The following PIAS3 variants were observed in gnomAD, a reference collection of about 807,000 sequenced individuals.
PIAS3 encodes E3 SUMO-protein ligase PIAS3.
Under a neutral mutation model 67.6 loss-of-function variants are expected in PIAS3, and 34 were observed. That is an observed-to-expected ratio of 0.50 (90% CI 0.38 to 0.67). The LOEUF (loss-of-function observed/expected upper bound fraction) is 0.67, where lower values mean the gene tolerates loss of function less well. PIAS3 is among the 30% of genes least tolerant of loss of function. The pLI, the probability that PIAS3 is intolerant of heterozygous loss-of-function variation, is 0.00. For missense variants in PIAS3, 693 were observed against 791.6 expected, an observed-to-expected ratio of 0.88 and a Z score of 1.49; for synonymous variants, 341 against 313.8, an observed-to-expected ratio of 1.09 and a Z score of -0.92.
At chr1:145,850,186 A>T in intron 13 of PIAS3, 46 bp downstream of exon 13, 1 of 1,613,322 alleles carries the variant, frequency 6.2e-7, no homozygotes, top group Non-Finnish European at 8.5e-7. Context: ...GTGTCTAGAA[A>T]GGAAGCTTCA....
At chr1:145,857,218 C>A in intron 1 of PIAS3, 1 of 582,778 alleles carries the variant, frequency 1.7e-6, no homozygotes. Context: ...AGCATCATCA[C>A]CACCACCCCC....
intron 1 of PIAS3, among the ~76,000 whole-genome samples, 153 bp from the exon 2 acceptor site, chr1:145,857,159 C>T (rs889942731): frequency 1.3e-5 from 2 of 152,274 alleles, no homozygotes; most frequent in Admixed American, 6.5e-5. Flanking sequence ...GCCAGGTAGT[C>T]GACCTATCCA....
Position 145,856,131 on chromosome 1 carries a change from G to C in PIAS3, c.528-13C>G, listed in dbSNP as rs1036567939. 1.9e-6 allele frequency: 3 copies of C among 1,611,550 alleles called. No homozygotes were observed. The highest frequency in any genetic ancestry group is 3.3e-5 in the Admixed American group (2 of 59,998). On this transcript the variant is annotated splice_polypyrimidine_tract_variant and intron_variant, in intron 3 of 13. Coordinates refer to ENST00000393045, the MANE Select transcript of PIAS3 (RefSeq NM_006099.3). ...TGGCAGAACCTCTCTGTAACAGGGA[G>C]GGAGATGAAGAGATGTCAGCATGTA...
chr1:145,858,978 C>T lies in PIAS3; in HGVS notation c.13G>A (p.Gly5Ser). 1 of 1,543,664 alleles carries T rather than the reference C, an allele frequency of 6.5e-7. No homozygotes were observed. Among genetic ancestry groups the T allele is most frequent in the South Asian group, 1.2e-5 (1 of 83,132 alleles). Residue 5 changes from glycine (G) to serine (S), a missense_variant, in exon 1 of 14, where the codon GGC becomes AGC. This residue lies in a region of PIAS3 where 308 missense variants were observed against 348.8 expected (regional missense o/e 0.88). Coordinates refer to ENST00000393045, the MANE Select transcript of PIAS3 (RefSeq NM_006099.3). MAEL[G>S]ELKHMVMSFR... ...GAGGGGGCCGGTACCTTTAATTCGCCCAGCTCCGCCATCTTGAGACATCGC... is the reference window on the plus strand; with the variant it reads ...GAGGGGGCCGGTACCTTTAATTCGCTCAGCTCCGCCATCTTGAGACATCGC...
In PIAS3 at chr1:145,848,534, C is replaced by A; in HGVS notation, c.*912G>T. The stretch of plus-strand genomic sequence containing the variant: ...CATGACACTCACAGAACATTCACAA[C>A]CTTTATTATGGGTGAGAGCTTCACT... On this transcript the variant is annotated 3_prime_UTR_variant, in exon 14 of 14. Coordinates refer to ENST00000393045, the MANE Select transcript of PIAS3 (RefSeq NM_006099.3). The A allele has an allele frequency of 1.7e-6, 2 of 1,190,448 alleles. No homozygotes were observed. The highest frequency in any genetic ancestry group is 2.5e-6 in the Non-Finnish European group (2 of 809,922). The allele number at this position is 1,190,448 out of a possible 1,614,324, so 73.7% of individuals were successfully genotyped here.
At position 145,856,632 on chromosome 1, in the gene PIAS3, G is replaced by A. The variant is rs140322948; in HGVS notation, c.399C>T (p.Pro133=). ...VHPDVTMKPL[P]FYEVYGELIR... ...TGAGCTCCCCATAGACTTCATAGAAGGGCAATGGTTTCATGGTGACATCAG... is the reference window on the plus strand; with the variant it reads ...TGAGCTCCCCATAGACTTCATAGAAAGGCAATGGTTTCATGGTGACATCAG... The change falls in exon 2 of 14, where the codon CCC becomes CCT. Residue 133 remains proline (P), a synonymous_variant. Transcript: ENST00000393045. The A allele has an allele frequency of 1.0e-4, 157 of 1,576,428 alleles. No homozygotes were observed. The African/African-American group carries it at 1.9e-3, about 19-fold the overall frequency.
At position 145,854,545 on chromosome 1, in the gene PIAS3, A is replaced by G; in HGVS notation, c.823T>C (p.Tyr275His). ...CCTGCAGTCAACTGCCTCACCAGGT[A>G]CACAGACAAGGAGTAATTCTACTTG... The part of the protein sequence containing the change: ...EFGRNYSLSV[Y>H]LVRQLTAGTL... Residue 275 changes from tyrosine (Y) to histidine (H), a missense_variant, in exon 7 of 14, where the codon TAC becomes CAC. Around this residue, in one of 3 missense-constraint regions of PIAS3, gnomAD observed 308 missense variants for 348.8 expected, o/e 0.88. Transcript: ENST00000393045. 1 of 1,613,852 alleles carries G rather than the reference A, an allele frequency of 6.2e-7. No individual in the cohort carries two copies. Among genetic ancestry groups the G allele is most frequent in the Non-Finnish European group, 8.5e-7 (1 of 1,179,748 alleles).
At position 145,856,720 on chromosome 1, in the gene PIAS3, C is replaced by T; in HGVS notation, c.311G>A (p.Gly104Asp). The change falls in exon 2 of 14, where the codon GGC becomes GAC. Residue 104 changes from glycine (G) to aspartate (D), a missense_variant. Gly to Asp is a moderately conservative substitution (Grantham distance 94). This residue lies in a region of PIAS3 where 308 missense variants were observed against 348.8 expected (regional missense o/e 0.88). Coordinates refer to ENST00000393045, the MANE Select transcript of PIAS3 (RefSeq NM_006099.3). Reference protein sequence around the residue: ...APIPPTLLAPGTLLGPKREVD... With the variant: ...APIPPTLLAPDTLLGPKREVD... ...CTCACGCTTGGGGCCCAGCAGGGTG[C>T]CAGGGGCCAACAGCGTTGGGGGAAT... 1.2e-6 allele frequency: 2 copies of T among 1,613,440 alleles called. No individual in the cohort carries two copies. The highest frequency in any genetic ancestry group is 8.5e-7 in the Non-Finnish European group (1 of 1,179,532).
intron 5 of PIAS3, 54 bp downstream of exon 5, chr1:145,855,682 T>C: frequency 1.1e-6 from 1 of 946,988 alleles, no homozygotes; most frequent in Non-Finnish European, 1.7e-6. Context: ...GTAGTTAATA[T>C]TTATGAACTG....
In PIAS3 at chr1:145,848,575, A is replaced by G. The variant is rs2101674786; in HGVS notation, c.*871T>C. 1 of 923,954 alleles carries G rather than the reference A, an allele frequency of 1.1e-6. No individual in the cohort carries two copies. The highest frequency in any genetic ancestry group is 1.6e-5 in the South Asian group (1 of 63,968). The allele number at this position is 923,954 out of a possible 1,614,324, so 57.2% of individuals were successfully genotyped here. ...GAGCTTCACTACAACTTTAGAAATA[A>G]AAAGTAAAATTACAACATAGGTCCT... is the stretch of plus-strand genomic sequence containing the variant. On this transcript the variant is annotated 3_prime_UTR_variant, in exon 14 of 14. Coordinates refer to ENST00000393045, the MANE Select transcript of PIAS3 (RefSeq NM_006099.3).
intron 9 of PIAS3, 35 bp downstream of exon 9, chr1:145,853,469 G>A (rs782653902): frequency 6.8e-7 from 1 of 1,481,390 alleles, no homozygotes; most frequent in South Asian, 1.3e-5. Flanking sequence ...GGTTCTAGTG[G>A]ATGTCCTAGG....
chr1:145,858,806 C>G (rs1278346383), intron 1 of PIAS3, among the ~76,000 whole-genome samples, 161 bp downstream of exon 1: 1 of 151,144 alleles, frequency 6.6e-6, no homozygotes, highest in East Asian at 1.9e-4. Context: ...CCCGCCGCAG[C>G]CCCTTCCTCG....
chr1:145,853,900 G>A lies in PIAS3; in HGVS notation c.911-14C>T. 6.2e-7 allele frequency: 1 copy of A among 1,612,896 alleles called. No individual in the cohort carries two copies. The highest frequency in any genetic ancestry group is 1.7e-4 in the Middle Eastern group (1 of 5,766). On this transcript the variant is annotated splice_polypyrimidine_tract_variant and intron_variant, in intron 7 of 13. Transcript: ENST00000393045. The stretch of plus-strand genomic sequence containing the variant: ...ATTTCTCCTTGACTGAAACAAAAGT[G>A]AGGCCAGAGCCATGGGGTCAGCAAG...
At chr1:145,850,050 C>G in intron 13 of PIAS3, 182 bp downstream of exon 13, 1 of 1,454,088 alleles carries the variant, frequency 6.9e-7, no homozygotes, top group Non-Finnish European at 9.0e-7. Flanking sequence ...AGGAAGGAGG[C>G]CTAAGTAGGA....
intron 9 of PIAS3, among the ~76,000 whole-genome samples, chr1:145,851,695 G>A (rs749936468): frequency 2.0e-4 from 29 of 145,110 alleles, no homozygotes; most frequent in Non-Finnish European, 3.1e-4. Context: ...GGTGGCTCAC[G>A]CCTATAATCA....
chr1:145,858,312 A>G (rs910042023), intron 1 of PIAS3, among the ~76,000 whole-genome samples: 2 of 151,822 alleles, frequency 1.3e-5, no homozygotes, highest in East Asian at 1.9e-4. Context: ...AGCTTCCCCT[A>G]TAACTTCCCA....
chr1:145,853,513 A>G lies in PIAS3; in HGVS notation c.1136T>C (p.Ile379Thr), dbSNP rs1570775210. Residue 379 changes from isoleucine (I) to threonine (T), a missense_variant, in exon 9 of 14, where the codon ATC becomes ACC. Physicochemically the swap from Ile to Thr is moderately conservative, Grantham distance 89. Around this residue, in one of 3 missense-constraint regions of PIAS3, gnomAD observed 115 missense variants for 181.8 expected, o/e 0.63. Coordinates refer to ENST00000393045, the MANE Select transcript of PIAS3 (RefSeq NM_006099.3). ...CDKKAPYESL[I>T]IDGLFMEILS... ...AGCAAAATGGCCCTACCCATCAATG[A>G]TAAGAGATTCATAGGGAGCCTTCTT... 2 of 1,610,044 alleles carry G rather than the reference A, an allele frequency of 1.2e-6. No individual in the cohort carries two copies. The highest frequency in any genetic ancestry group is 1.7e-6 in the Non-Finnish European group (2 of 1,177,828).
At chr1:145,857,277 G>A (rs1022860035) in intron 1 of PIAS3, 2 of 491,964 alleles carry the variant, frequency 4.1e-6, no homozygotes, top group Non-Finnish European at 7.4e-6. Context: ...CCAGAGTGGG[G>A]CAGGGAATGG....
In PIAS3 at chr1:145,848,953, AACTGC is replaced by A. The variant is rs1652843347; in HGVS notation, c.*488_*492del. The A allele has an allele frequency of 6.2e-6, 1 of 160,648 alleles. No homozygotes were observed. The highest frequency in any genetic ancestry group is 1.4e-5 in the Non-Finnish European group (1 of 73,862). 10.0% of individuals were successfully genotyped at this position (160,648 alleles called of 1,614,324 possible). ...AATAAAGTTCTCTGTCCATCTCTGA[AACTGC>A]CTGTCTCAGTTTTTCCACCTGTCTG... On this transcript the variant is annotated 3_prime_UTR_variant, in exon 14 of 14. Coordinates refer to ENST00000393045, the MANE Select transcript of PIAS3 (RefSeq NM_006099.3).
Sources: allele counts gnomAD v4.1 joint callset (sites outside exome capture counted in the v4.1 genomes callset), GRCh38; gene constraint gnomAD v4.1.1; regional missense constraint gnomAD v4.1.1; transcripts MANE v1.5; gene names NCBI Gene and HGNC (gene_info 2026-07-23, HGNC 2026-07-21).